The following EEF1AKMT3 variants were observed in gnomAD, a reference collection of about 807,000 sequenced individuals.
EEF1AKMT3 encodes EEF1A lysine methyltransferase 3.
Under a neutral mutation model 17.8 loss-of-function variants are expected in EEF1AKMT3, and 17 were observed. The ratio of observed to expected loss-of-function variants is 0.96; its 90% CI spans 0.65 to 1.43. The LOEUF (loss-of-function observed/expected upper bound fraction) is 1.43, where lower values mean the gene tolerates loss of function less well. Among genes scored for constraint, EEF1AKMT3 ranks in the 40% most tolerant of loss-of-function variants. The pLI is 0.00. For synonymous variants in EEF1AKMT3, 116 were observed against 126.5 expected, an observed-to-expected ratio of 0.92 and a Z score of 0.56; for missense variants, 244 against 285.8, an observed-to-expected ratio of 0.85 and a Z score of 1.06.
chr12:57,779,683 T>C (rs8181644), intron 2 of EEF1AKMT3, among the ~76,000 whole-genome samples: 42,199 of 152,168 alleles, frequency 0.28, 7,154 homozygotes, highest in East Asian at 0.66. Flanking sequence ...CCCTTAAAGC[T>C]TACTGCCCTC....
At chr12:57,773,197 A>G in intron 2 of EEF1AKMT3, 69 bp downstream of exon 2, 1 of 1,450,698 alleles carries the variant, frequency 6.9e-7, no homozygotes, top group Admixed American at 1.7e-5. Flanking sequence ...CACTTCGTGG[A>G]TCTTTGGGGG....
chr12:57,776,787 A>T (rs748531374), intron 2 of EEF1AKMT3, among the ~76,000 whole-genome samples: 14 of 152,014 alleles, frequency 9.2e-5, no homozygotes, highest in Non-Finnish European at 1.8e-4. Flanking sequence ...AGTAGCTGGG[A>T]TTACAGGCAC....
chr12:57,779,078 T>C (rs894889687), intron 2 of EEF1AKMT3, among the ~76,000 whole-genome samples: 3 of 152,212 alleles, frequency 2.0e-5, no homozygotes, highest in African/African-American at 7.2e-5. Context: ...GTCAGGCTGG[T>C]CTGACCACTC....
chr12:57,772,779 G>C lies in EEF1AKMT3; in HGVS notation c.55G>C (p.Glu19Gln), dbSNP rs763538821. The C allele has an allele frequency of 3.7e-6, 6 of 1,614,080 alleles. No homozygotes were observed. The African/African-American group carries it at 8.0e-5, about 22-fold the overall frequency. Residue 19 changes from glutamate to glutamine, a missense_variant, in exon 1 of 3, where the codon GAG becomes CAG. By Grantham distance (29) the Glu-to-Gln change is conservative. Coordinates refer to ENST00000300209, the MANE Select transcript of EEF1AKMT3 (RefSeq NM_015433.3). The surrounding 1 kb of genome is among the most constrained non-coding windows in gnomAD (Gnocchi z 4.1). ...TGAGTCGGAATCGGTGTTCCCGCGGGAGGTCGGGCTCTTTGCAGACTCTTA... is the reference window on the plus strand; with the variant it reads ...TGAGTCGGAATCGGTGTTCCCGCGGCAGGTCGGGCTCTTTGCAGACTCTTA... ...ESESESVFPR[E>Q]VGLFADSYSE...
At position 57,781,520 on chromosome 12, in the gene EEF1AKMT3, C is replaced by T. The variant is rs939458468; in HGVS notation, c.*874C>T. 1.3e-5 allele frequency: 2 copies of T among 151,954 alleles called. No individual in the cohort carries two copies. The highest frequency in any genetic ancestry group is 4.2e-4 in the South Asian group (2 of 4,796). The allele number at this position is 151,954 out of a possible 1,614,324, so 9.4% of individuals were successfully genotyped here. On this transcript the variant is annotated 3_prime_UTR_variant, in exon 3 of 3. Coordinates refer to ENST00000300209, the MANE Select transcript of EEF1AKMT3 (RefSeq NM_015433.3). ...AACCATGGCTCTAACTGGGTCAAGTCCTCCTAGCTCTGAAGCTAAGGCTGC... is the reference window on the plus strand; with the variant it reads ...AACCATGGCTCTAACTGGGTCAAGTTCTCCTAGCTCTGAAGCTAAGGCTGC...
At chr12:57,775,802 C>G (rs1208729425) in intron 2 of EEF1AKMT3, among the ~76,000 whole-genome samples, 1 of 152,206 alleles carries the variant, frequency 6.6e-6, no homozygotes, top group African/African-American at 2.4e-5. Flanking sequence ...CTCAGACTTC[C>G]CTATCTCAGT....
chr12:57,780,651 A>G lies in EEF1AKMT3; in HGVS notation c.*5A>G, dbSNP rs772368013. The G allele has an allele frequency of 6.2e-7, 1 of 1,604,204 alleles. No individual in the cohort carries two copies. Among genetic ancestry groups the G allele is most frequent in the Admixed American group, 1.7e-5 (1 of 59,932 alleles). ...AGGGAACCAAGACCTGCTTGACATC[A>G]CCCTTGCTGTTCTTCTCAATCTCTT... On this transcript the variant is annotated 3_prime_UTR_variant, in exon 3 of 3. Transcript: ENST00000300209.
At chr12:57,773,218 A>C in intron 2 of EEF1AKMT3, 90 bp downstream of exon 2, 2 of 1,264,672 alleles carry the variant, frequency 1.6e-6, no homozygotes, top group Non-Finnish European at 1.2e-6. Context: ...AGAGGGGAGA[A>C]CTTTGGGCCC....
At position 57,772,635 on chromosome 12, in the gene EEF1AKMT3, C is replaced by T. The variant is rs554167068; in HGVS notation, c.-90C>T. 34 of 1,399,416 alleles carry T rather than the reference C, an allele frequency of 2.4e-5. 1 individual carries two copies. The highest frequency in any genetic ancestry group is 2.8e-5 in the Non-Finnish European group (29 of 1,045,632). 86.7% of individuals were successfully genotyped at this position (1,399,416 alleles called of 1,614,324 possible). ...CGGGGCTCGTTCCACAGGGACACCA[C>T]GACGGCTCGCGGCCCCCAGCCTCTA... On this transcript the variant is annotated 5_prime_UTR_variant, in exon 1 of 3. In the 5' UTR this introduces an upstream ATG that the reference lacks. Coordinates refer to ENST00000300209, the MANE Select transcript of EEF1AKMT3 (RefSeq NM_015433.3). This position sits in a 1 kb window ranked among gnomAD's most constrained non-coding sequence, Gnocchi z 4.1.
chr12:57,780,117 C>G, intron 2 of EEF1AKMT3, 138 bp from the exon 3 acceptor site: 1 of 945,816 alleles, frequency 1.1e-6, no homozygotes, highest in Non-Finnish European at 1.6e-6. Context: ...GAGGTTGAGG[C>G]AACTAAAAGC....
In EEF1AKMT3 at chr12:57,782,071, T is replaced by C. The variant is rs1337000468; in HGVS notation, c.*1425T>C. 6.6e-6 allele frequency: 1 copy of C among 152,196 alleles called. No individual in the cohort carries two copies. Among genetic ancestry groups the C allele is most frequent in the Non-Finnish European group, 1.5e-5 (1 of 68,014 alleles). 9.4% of individuals were successfully genotyped at this position (152,196 alleles called of 1,614,324 possible). Reference sequence around the variant, plus strand: ...TTGTTCTCTAAAACCACACTAAAGTTTTCTGACTTCTTTCACACTCTTTAT... The same window carrying C: ...TTGTTCTCTAAAACCACACTAAAGTCTTCTGACTTCTTTCACACTCTTTAT... On this transcript the variant is annotated 3_prime_UTR_variant, in exon 3 of 3. Coordinates refer to ENST00000300209, the MANE Select transcript of EEF1AKMT3 (RefSeq NM_015433.3).
intron 2 of EEF1AKMT3, among the ~76,000 whole-genome samples, chr12:57,778,195 T>C (rs1476795981): frequency 6.6e-6 from 1 of 151,350 alleles, no homozygotes; most frequent in East Asian, 1.9e-4. Flanking sequence ...CTCATGATCT[T>C]CCTGTCCAAA....
chr12:57,773,092 G>A lies in EEF1AKMT3; in HGVS notation c.253G>A (p.Gly85Arg). The A allele has an allele frequency of 1.2e-6, 2 of 1,614,168 alleles. No homozygotes were observed. The highest frequency in any genetic ancestry group is 4.5e-5 in the East Asian group (2 of 44,880). The stretch of plus-strand genomic sequence containing the variant: ...CAAGAAGGTGATCGAACTGGGTGCG[G>A]GGACAGGCATCGTGGGGATCTTGGC... Reference protein sequence around the residue: ...RGKKVIELGAGTGIVGILAAL... With the variant: ...RGKKVIELGARTGIVGILAAL... The change falls in exon 2 of 3, where the codon GGG becomes AGG. Residue 85 changes from glycine (G) to arginine (R), a missense_variant. Gly to Arg is a moderately radical substitution (Grantham distance 125). Transcript: ENST00000300209.
At position 57,782,497 on chromosome 12, in the gene EEF1AKMT3, T is replaced by A; in HGVS notation, c.*1851T>A. ...TTTGTTGTGAGTCATAAATGGATAA[T>A]GAATATAAATGCGCATTGAAAATAA... On this transcript the variant is annotated 3_prime_UTR_variant, in exon 3 of 3. Transcript: ENST00000300209. 1 of 397,068 alleles carries A rather than the reference T, an allele frequency of 2.5e-6. No individual in the cohort carries two copies. Among genetic ancestry groups the A allele is most frequent in the East Asian group, 4.4e-5 (1 of 22,574 alleles). The allele number at this position is 397,068 out of a possible 1,614,324, so 24.6% of individuals were successfully genotyped here. A position where few individuals can be genotyped will look rare whatever the true frequency, so the allele number is the denominator to read the frequency against.
Position 57,780,413 on chromosome 12 carries a change from G to A in EEF1AKMT3, c.448G>A (p.Ala150Thr). The change falls in exon 3 of 3, where the codon GCT becomes ACT. Residue 150 changes from alanine to threonine, a missense_variant. Ala to Thr is a moderately conservative substitution (Grantham distance 58). Coordinates refer to ENST00000300209, the MANE Select transcript of EEF1AKMT3 (RefSeq NM_015433.3). Reference protein sequence around the residue: ...FPANYDLVLGADIVYLEPTFP... With the variant: ...FPANYDLVLGTDIVYLEPTFP... ...TGCAAACTATGACCTGGTGCTGGGG[G>A]CTGATATCGTGTACCTGGAACCCAC... 6.2e-7 allele frequency: 1 copy of A among 1,614,192 alleles called. No individual in the cohort carries two copies. The highest frequency in any genetic ancestry group is 8.5e-7 in the Non-Finnish European group (1 of 1,180,034).
rs1355278586 is a variant in EEF1AKMT3, at chr12:57,781,974, C to T, written c.*1328C>T. 6.6e-6 allele frequency: 1 copy of T among 152,182 alleles called. No individual in the cohort carries two copies. The highest frequency in any genetic ancestry group is 1.5e-5 in the Non-Finnish European group (1 of 68,054). 9.4% of individuals were successfully genotyped at this position (152,182 alleles called of 1,614,324 possible). On this transcript the variant is annotated 3_prime_UTR_variant, in exon 3 of 3. Coordinates refer to ENST00000300209, the MANE Select transcript of EEF1AKMT3 (RefSeq NM_015433.3). Reference sequence around the variant, plus strand: ...TCTGTGTCCATGTGATCCAAAATTACCTTCCTATTGCATTTCCTACTCCTT... The same window carrying T: ...TCTGTGTCCATGTGATCCAAAATTATCTTCCTATTGCATTTCCTACTCCTT...
At chr12:57,776,057 C>T (rs1250704984) in intron 2 of EEF1AKMT3, among the ~76,000 whole-genome samples, 1 of 152,222 alleles carries the variant, frequency 6.6e-6, no homozygotes, top group African/African-American at 2.4e-5. Flanking sequence ...TGCCCTTCCA[C>T]CTAGTGGTCA....
chr12:57,780,267 C>T lies in EEF1AKMT3; in HGVS notation c.302C>T (p.Thr101Ile). 6 of 1,612,608 alleles carry T rather than the reference C, an allele frequency of 3.7e-6. No individual in the cohort carries two copies. The highest frequency in any genetic ancestry group is 4.2e-6 in the Non-Finnish European group (5 of 1,179,662). ...TCCTCTCTCTCAGGGGGGGATGTTA[C>T]CATCACTGACCTGCCCCTGGCCCTA... ...ILAALQGGDV[T>I]ITDLPLALEQ... Residue 101 changes from threonine (T) to isoleucine (I), a missense_variant, in exon 3 of 3, where the codon ACC becomes ATC. Thr to Ile is a moderately conservative substitution (Grantham distance 89). Transcript: ENST00000300209.
chr12:57,774,036 A>T (rs1212378097), intron 2 of EEF1AKMT3, among the ~76,000 whole-genome samples: 7 of 152,366 alleles, frequency 4.6e-5, no homozygotes, highest in African/African-American at 1.7e-4. Flanking sequence ...CAAGAAGCAA[A>T]AACTACAGAG....
Sources: allele counts gnomAD v4.1 joint callset (sites outside exome capture counted in the v4.1 genomes callset), GRCh38; gene constraint gnomAD v4.1.1; non-coding constraint Gnocchi (gnomAD v3.1); transcripts MANE v1.5; gene names NCBI Gene and HGNC (gene_info 2026-07-23, HGNC 2026-07-21).